The following DNAH14 variants were observed in gnomAD, a reference collection of about 807,000 sequenced individuals.
DNAH14 encodes dynein axonemal heavy chain 14, also known as axonemal beta dynein heavy chain 14.
A neutral mutation model predicts 520.9 loss-of-function variants in DNAH14; 478 were observed. The observed-to-expected ratio is 0.92, with a 90% CI of 0.85 to 0.99. The LOEUF (loss-of-function observed/expected upper bound fraction) is 0.99, where lower values mean the gene tolerates loss of function less well. DNAH14 is among the 50% of genes least tolerant of loss of function. The pLI, the probability that DNAH14 is intolerant of heterozygous loss-of-function variation, is 0.00. For synonymous variants in DNAH14, 1,581 were observed against 1,757.2 expected, an observed-to-expected ratio of 0.90 and a Z score of 2.51; for missense variants, 4,831 against 5,234.5, an observed-to-expected ratio of 0.92 and a Z score of 2.38.
chr1:225,138,725 C>T (rs778384723), intron 27 of DNAH14, among the ~76,000 whole-genome samples: 4 of 152,158 alleles, frequency 2.6e-5, no homozygotes, highest in Non-Finnish European at 4.4e-5. Flanking sequence ...TCACTCACCG[C>T]CTCCCCTGGC....
intron 35 of DNAH14, among the ~76,000 whole-genome samples, chr1:225,162,633 A>G (rs1197800196): frequency 6.6e-6 from 1 of 152,174 alleles, no homozygotes; most frequent in Non-Finnish European, 1.5e-5. Flanking sequence ...GGTAATATGA[A>G]CATTTTAACA....
intron 3 of DNAH14, among the ~76,000 whole-genome samples, chr1:224,958,732 G>T (rs567246062): frequency 6.6e-6 from 1 of 152,030 alleles, no homozygotes; most frequent in African/African-American, 2.4e-5. Context: ...TCTAGAAAAT[G>T]GGGGAGGAGA....
intron 43 of DNAH14, among the ~76,000 whole-genome samples, chr1:225,243,686 A>T (rs968431950): frequency 7.9e-5 from 12 of 152,118 alleles, no homozygotes; most frequent in African/African-American, 2.9e-4. Context: ...AAATTTTGTT[A>T]TTTACAAAGA....
At chr1:225,219,690 C>T (rs1273427742) in intron 41 of DNAH14, among the ~76,000 whole-genome samples, 1 of 151,974 alleles carries the variant, frequency 6.6e-6, no homozygotes, top group East Asian at 1.9e-4. Flanking sequence ...AAAAAAAGCC[C>T]AGGACCAGAC....
chr1:225,363,992 A>C (rs2095523989), intron 75 of DNAH14, among the ~76,000 whole-genome samples: 1 of 152,176 alleles, frequency 6.6e-6, no homozygotes, highest in Admixed American at 6.5e-5. Flanking sequence ...GAACCTATGG[A>C]TATAGAGGGC....
At chr1:224,987,717 C>T (rs2062739096) in intron 8 of DNAH14, among the ~76,000 whole-genome samples, 1 of 152,130 alleles carries the variant, frequency 6.6e-6, no homozygotes, top group South Asian at 2.1e-4. Flanking sequence ...ACCTCTGCCT[C>T]CCGGGTTCAA....
At chr1:225,123,744 C>T (rs1034839516) in intron 27 of DNAH14, 130 bp downstream of exon 27, 3 of 189,864 alleles carry the variant, frequency 1.6e-5, no homozygotes, top group South Asian at 1.1e-4. Flanking sequence ...CCCCTAGGGC[C>T]TATAACAGTT....
At chr1:224,962,295 T>A (rs927828531) in intron 4 of DNAH14, among the ~76,000 whole-genome samples, 6 of 152,168 alleles carry the variant, frequency 3.9e-5, no homozygotes, top group African/African-American at 1.4e-4. Context: ...CAGATGTATT[T>A]AAGGCCCTTA....
chr1:225,008,008 G>C (rs1027873138), intron 10 of DNAH14, among the ~76,000 whole-genome samples: 1 of 151,190 alleles, frequency 6.6e-6, no homozygotes, highest in African/African-American at 2.4e-5. Context: ...ATGTGCTATG[G>C]TGGTTTGCTG....
chr1:225,010,055 A>G (rs2064575762), intron 10 of DNAH14, among the ~76,000 whole-genome samples: 1 of 152,106 alleles, frequency 6.6e-6, no homozygotes, highest in African/African-American at 2.4e-5. Context: ...AGTTAATTTG[A>G]CTTCCTCTCT....
chr1:225,168,765 A>G (rs984426986), intron 36 of DNAH14, among the ~76,000 whole-genome samples: 1 of 152,202 alleles, frequency 6.6e-6, no homozygotes, highest in Non-Finnish European at 1.5e-5. Flanking sequence ...ACCTCTGCAG[A>G]CTTAAATGTC....
intron 75 of DNAH14, among the ~76,000 whole-genome samples, chr1:225,362,724 A>G (rs2095507185): frequency 6.6e-6 from 1 of 152,188 alleles, no homozygotes; most frequent in African/African-American, 2.4e-5. Context: ...AGAAATTCAT[A>G]CTTCTTTATT....
At chr1:225,029,840 A>G (rs555061039) in intron 11 of DNAH14, among the ~76,000 whole-genome samples, 9 of 151,962 alleles carry the variant, frequency 5.9e-5, no homozygotes, top group Non-Finnish European at 1.2e-4. Flanking sequence ...CATAAGACAT[A>G]ATGTGATTGG....
chr1:225,272,261 T>A (rs1008224431), intron 51 of DNAH14, among the ~76,000 whole-genome samples, 188 bp downstream of exon 51: 1 of 152,228 alleles, frequency 6.6e-6, no homozygotes, highest in African/African-American at 2.4e-5. Flanking sequence ...AATAATTCAA[T>A]GATGAAATCC....
At chr1:225,130,278 C>A (rs570600382) in intron 27 of DNAH14, among the ~76,000 whole-genome samples, 1 of 151,992 alleles carries the variant, frequency 6.6e-6, no homozygotes, top group African/African-American at 2.4e-5. Flanking sequence ...TCAGAGATCT[C>A]GAACTAGAAA....
At chr1:225,293,153 A>G (rs532260074) in intron 55 of DNAH14, among the ~76,000 whole-genome samples, 2 of 152,332 alleles carry the variant, frequency 1.3e-5, no homozygotes, top group East Asian at 1.9e-4. Flanking sequence ...AATGGCTACT[A>G]TTAAAAAGTC....
intron 26 of DNAH14, 73 bp downstream of exon 26, chr1:225,119,367 T>G: frequency 9.3e-7 from 1 of 1,077,472 alleles, no homozygotes; most frequent in Non-Finnish European, 1.3e-6. Flanking sequence ...TACACACACA[T>G]TTTTTAAAAC....
chr1:225,172,841 C>A (rs1573709100), intron 36 of DNAH14, among the ~76,000 whole-genome samples: 1 of 152,180 alleles, frequency 6.6e-6, no homozygotes, highest in South Asian at 2.1e-4. Context: ...AGGCATCACA[C>A]TACCTGACTT....
chr1:225,276,639 T>C (rs565686322), intron 53 of DNAH14, among the ~76,000 whole-genome samples: 1 of 152,196 alleles, frequency 6.6e-6, no homozygotes, highest in South Asian at 2.1e-4. Flanking sequence ...GGCTTGTGCC[T>C]ATAATCCTAG....
Sources: allele counts gnomAD v4.1 joint callset (sites outside exome capture counted in the v4.1 genomes callset), GRCh38; gene constraint gnomAD v4.1.1; transcripts MANE v1.5; gene names NCBI Gene and HGNC (gene_info 2026-07-23, HGNC 2026-07-21).